EML5: variants seen among roughly 807,000 people sequenced by gnomAD.
The protein encoded by EML5 is EMAP like 5, also known as echinoderm microtubule-associated protein-like 5.
Under a neutral mutation model 250.0 loss-of-function variants are expected in EML5, and 120 were observed. The observed-to-expected ratio is 0.48, with a 90% confidence interval of 0.41 to 0.56. The LOEUF (loss-of-function observed/expected upper bound fraction) is 0.56, where lower values mean the gene tolerates loss of function less well. Among genes scored for constraint, EML5 ranks in the 20% least tolerant of loss-of-function variants. The probability of loss-of-function intolerance (pLI) is 0.00; values close to 1 mark genes in which losing one functional copy is unlikely to be tolerated. For synonymous variants in EML5, 771 were observed against 806.5 expected, an observed-to-expected ratio of 0.96 and a Z score of 0.75; for missense variants, 2,006 against 2,437.6, an observed-to-expected ratio of 0.82 and a Z score of 3.73.
chr14:88,690,246 C>T (rs909544171), intron 17 of EML5, among the ~76,000 whole-genome samples: 2 of 152,182 alleles, frequency 1.3e-5, no homozygotes, highest in Admixed American at 6.5e-5. Flanking sequence ...TTTTGCTTTA[C>T]ATGAGATGCA....
At chr14:88,663,170 T>C (rs1217668345) in intron 23 of EML5, 51 bp from the exon 24 acceptor site, 1 of 1,225,594 alleles carries the variant, frequency 8.2e-7, no homozygotes, top group Non-Finnish European at 1.1e-6. Flanking sequence ...CATACAAATA[T>C]ATATACCATC....
chr14:88,716,732 AAC>A (rs58701181), intron 8 of EML5, among the ~76,000 whole-genome samples: 79,195 of 147,996 alleles, frequency 0.54, 21,615 homozygotes, highest in Middle Eastern at 0.67. Context: ...ACTGCTCACC[AAC>A]ACACACACAC....
At chr14:88,679,879 G>A (rs1289881129) in intron 21 of EML5, among the ~76,000 whole-genome samples, 1 of 152,124 alleles carries the variant, frequency 6.6e-6, no homozygotes, top group Non-Finnish European at 1.5e-5. Flanking sequence ...ATAGAATAGT[G>A]TATAGTATAG....
At chr14:88,718,740 G>C (rs61986667) in intron 8 of EML5, among the ~76,000 whole-genome samples, 16,897 of 152,138 alleles carry the variant, frequency 0.11, 1,038 homozygotes, top group African/African-American at 0.14. Flanking sequence ...TGAAAGGGAG[G>C]AAAGTAGAAA....
rs2093384712 is a variant in EML5, at chr14:88,710,330, T to C, written c.1657+1941A>G. Among the ~76,000 whole-genome samples, 3 of 152,242 alleles carry C rather than the reference T, an allele frequency of 2.0e-5. No homozygotes were observed. In the South Asian group the frequency reaches 6.2e-4, roughly 31 times the overall value. On this transcript the variant is annotated intron_variant, in intron 10 of 43. Coordinates refer to ENST00000554922, the MANE Select transcript of EML5 (RefSeq NM_183387.3). ...TATTTTTTGTTTCAATTACAATGAT[T>C]CTATAACATAAACTACTTCTATTAT... is the stretch of plus-strand genomic sequence containing the variant.
intron 10 of EML5, 89 bp from the exon 11 acceptor site, chr14:88,706,515 T>A: frequency 1.0e-6 from 1 of 957,416 alleles, no homozygotes; most frequent in Non-Finnish European, 1.4e-6. Context: ...CACTGTATCA[T>A]CCTTCTATCT....
chr14:88,626,857 A>C lies in EML5; in HGVS notation c.4721T>G (p.Leu1574Arg), dbSNP rs757931189. ...ACATACTGCACCAAATGCAATAGCG[A>C]GCATGGTCTGCATCCGGGCATCTTC... is the stretch of plus-strand genomic sequence containing the variant. ...TLEDARMQTM[L>R]AIAFGANNLT... The change falls in exon 35 of 44, where the codon CTC becomes CGC. Residue 1574 changes from leucine to arginine, a missense_variant. Leu to Arg is a moderately radical substitution (Grantham distance 102). This residue lies in a region of EML5 where 405 missense variants were observed against 523.3 expected (regional missense o/e 0.77). Transcript: ENST00000554922. 1 of 1,613,924 alleles carries C rather than the reference A, an allele frequency of 6.2e-7. No individual in the cohort carries two copies. Among genetic ancestry groups the C allele is most frequent in the East Asian group, 2.2e-5 (1 of 44,870 alleles).
chr14:88,618,200 C>A (rs1459599603), intron 41 of EML5, 28 bp downstream of exon 41: 1 of 1,596,710 alleles, frequency 6.3e-7, no homozygotes, highest in Non-Finnish European at 8.6e-7. Context: ...AAAGTCAGTT[C>A]TTGCCTTGTG....
At chr14:88,721,934 C>T (rs528975491) in intron 8 of EML5, among the ~76,000 whole-genome samples, 44 of 152,068 alleles carry the variant, frequency 2.9e-4, no homozygotes, top group African/African-American at 1.0e-3. Flanking sequence ...AAAAACAACC[C>T]CATTAAAAAG....
At chr14:88,651,025 C>T (rs1275164271) in intron 27 of EML5, among the ~76,000 whole-genome samples, 2 of 151,962 alleles carry the variant, frequency 1.3e-5, no homozygotes, top group African/African-American at 2.4e-5. Context: ...AAACCATGAA[C>T]CATATTATCT....
intron 29 of EML5, among the ~76,000 whole-genome samples, chr14:88,645,199 T>C (rs2091287309): frequency 2.6e-5 from 4 of 151,934 alleles, no homozygotes; most frequent in Admixed American, 2.6e-4. Flanking sequence ...CTAATGTGTG[T>C]ATTTTTAGTA....
At chr14:88,719,749 C>G (rs746598230) in intron 8 of EML5, among the ~76,000 whole-genome samples, 9 of 151,874 alleles carry the variant, frequency 5.9e-5, no homozygotes, top group Non-Finnish European at 1.2e-4. Context: ...AATGCTACTC[C>G]CCTTGCAGAA....
rs1259960449 is a variant in EML5 at position 88,626,663 on chromosome 14, A to G, written c.4740+175T>C. On this transcript the variant is annotated intron_variant, in intron 35 of 43. Coordinates refer to ENST00000554922, the MANE Select transcript of EML5 (RefSeq NM_183387.3). Reference sequence around the variant, plus strand: ...TCCCCCTCTCATTAACATTCTTTTCACTCCCTAATTTCTGAAAGAACTAGA... The same window carrying G: ...TCCCCCTCTCATTAACATTCTTTTCGCTCCCTAATTTCTGAAAGAACTAGA... 4 of 683,026 alleles carry G rather than the reference A, an allele frequency of 5.9e-6. No homozygotes were observed. The African/African-American group carries it at 7.3e-5, about 12-fold the overall frequency. The allele number at this position is 683,026 out of a possible 1,614,324, so 42.3% of individuals were successfully genotyped here.
chr14:88,641,226 T>C (rs115431878), intron 31 of EML5, among the ~76,000 whole-genome samples: 3,027 of 152,010 alleles, frequency 0.02, 118 homozygotes, highest in African/African-American at 0.07. Flanking sequence ...TTCTAAAAAA[T>C]AGAGGAGTGG....
chr14:88,677,941 G>A (rs1287291341), intron 21 of EML5, among the ~76,000 whole-genome samples: 4 of 152,156 alleles, frequency 2.6e-5, no homozygotes, highest in Non-Finnish European at 5.9e-5. Flanking sequence ...TAATTACTGA[G>A]TATATACACA....
chr14:88,627,285 T>C lies in EML5; in HGVS notation c.4532-239A>G. 5.5e-6 allele frequency: 3 copies of C among 543,744 alleles called. No homozygotes were observed. In the South Asian group the frequency reaches 7.4e-5, roughly 13 times the overall value. The allele number at this position is 543,744 out of a possible 1,614,324, so 33.7% of individuals were successfully genotyped here. On this transcript the variant is annotated intron_variant, in intron 34 of 43. Transcript: ENST00000554922. ...CGTAAATGTTTTGTCTAAAGTGTGG[T>C]AGGTAATATTATCCTGCTGATCTGC...
In EML5 at chr14:88,626,993, A is replaced by G; in HGVS notation, c.4585T>C (p.Phe1529Leu). 1 of 1,613,966 alleles carries G rather than the reference A, an allele frequency of 6.2e-7. No homozygotes were observed. Residue 1529 changes from phenylalanine to leucine, a missense_variant, in exon 35 of 44, where the codon TTC becomes CTC. Physicochemically the swap from Phe to Leu is conservative, Grantham distance 22. Transcript: ENST00000554922. ...GHNQRIFVAE[F>L]RPDSDTQFVS... is the part of the protein sequence containing the mutation. ...AACTGGGTATCTGAATCTGGTCGGA[A>G]TTCTGCCACAAAAATACGTTGATTG...
chr14:88,641,677 A>T (rs1201485312), intron 31 of EML5, among the ~76,000 whole-genome samples: 2 of 152,158 alleles, frequency 1.3e-5, no homozygotes, highest in African/African-American at 2.4e-5. Flanking sequence ...CACACCTCAA[A>T]ATAATGAAGC....
At chr14:88,735,689 C>T (rs539982216) in intron 7 of EML5, among the ~76,000 whole-genome samples, 2 of 152,242 alleles carry the variant, frequency 1.3e-5, no homozygotes, top group Admixed American at 1.3e-4. Context: ...GATATTCATA[C>T]ATGTACAAAA....
Sources: allele counts gnomAD v4.1 joint callset (sites outside exome capture counted in the v4.1 genomes callset), GRCh38; gene constraint gnomAD v4.1.1; regional missense constraint gnomAD v4.1.1; transcripts MANE v1.5; gene names NCBI Gene and HGNC (gene_info 2026-07-23, HGNC 2026-07-21).